The following GRID1 variants were observed in gnomAD, a reference collection of about 807,000 sequenced individuals.
The protein encoded by GRID1 is glutamate ionotropic receptor delta type subunit 1, also known as glutamate receptor ionotropic, delta-1.
A neutral mutation model predicts 98.0 loss-of-function variants in GRID1; 28 were observed. The observed-to-expected ratio is 0.29, with a 90% CI of 0.21 to 0.39. The LOEUF is 0.39. Among genes scored for constraint, GRID1 ranks in the 10% least tolerant of loss-of-function variants. GRID1 has a pLI of 1.00. For synonymous variants in GRID1, 553 were observed against 538.5 expected, an observed-to-expected ratio of 1.03 and a Z score of -0.37; for missense variants, 1,111 against 1,340.5, an observed-to-expected ratio of 0.83 and a Z score of 2.67.
intron 2 of GRID1, among the ~76,000 whole-genome samples, chr10:86,236,345 A>C (rs181780555): frequency 6.6e-6 from 1 of 152,162 alleles, no homozygotes; most frequent in African/African-American, 2.4e-5. Context: ...CAACCTCTCA[A>C]TGTCTTCACC....
intron 4 of GRID1, among the ~76,000 whole-genome samples, chr10:86,104,335 C>T (rs1055887866): frequency 5.3e-5 from 8 of 152,334 alleles, no homozygotes; most frequent in Admixed American, 3.9e-4. Context: ...TCAGCAGGTG[C>T]AGGGGTGGCC....
chr10:85,809,752 G>A lies in GRID1; in HGVS notation c.1233+44744C>T, dbSNP rs112406757. On this transcript the variant is annotated intron_variant, in intron 8 of 15. Transcript: ENST00000327946. ...GAGACTCAAGAGGGTAGCAGAGAGG[G>A]GAGCAAGGCACCCTCCCTCTGCTGA... Among the ~76,000 whole-genome samples, 687 of 152,254 alleles carry A rather than the reference G, an allele frequency of 4.5e-3. 2 individuals carry two copies. The highest frequency in any genetic ancestry group is 0.015 in the African/African-American group (638 of 41,560).
intron 2 of GRID1, among the ~76,000 whole-genome samples, chr10:86,325,421 C>A (rs568319356): frequency 6.6e-6 from 1 of 152,180 alleles, no homozygotes; most frequent in East Asian, 1.9e-4. Context: ...TACACTCAAC[C>A]TCCACTTATG....
chr10:85,848,081 T>C (rs1274637978), intron 8 of GRID1, among the ~76,000 whole-genome samples: 1 of 152,170 alleles, frequency 6.6e-6, no homozygotes, highest in Non-Finnish European at 1.5e-5. Flanking sequence ...ATTTAGTATA[T>C]CACTTTTTCA....
chr10:85,946,536 G>C (rs1232079819), intron 4 of GRID1, among the ~76,000 whole-genome samples: 1 of 152,108 alleles, frequency 6.6e-6, no homozygotes, highest in Non-Finnish European at 1.5e-5. Context: ...AATTTATTCG[G>C]GAAAATACTT....
At chr10:85,653,978 A>C (rs1308174971) in intron 12 of GRID1, among the ~76,000 whole-genome samples, 1 of 152,156 alleles carries the variant, frequency 6.6e-6, no homozygotes, top group Non-Finnish European at 1.5e-5. Context: ...AGACTAAGAA[A>C]ACAGTTCTCC....
At chr10:86,342,478 T>C (rs1848323233) in intron 2 of GRID1, among the ~76,000 whole-genome samples, 2 of 152,200 alleles carry the variant, frequency 1.3e-5, no homozygotes, top group South Asian at 4.1e-4. Flanking sequence ...TCAGAAGTCT[T>C]TTGGGCAACT....
At chr10:86,152,766 G>A (rs544244670) in intron 3 of GRID1, among the ~76,000 whole-genome samples, 6 of 152,312 alleles carry the variant, frequency 3.9e-5, no homozygotes, top group South Asian at 4.1e-4. Context: ...GACAGAGCCC[G>A]TGTGAGGGGC....
chr10:86,093,240 G>A (rs1288011818), intron 4 of GRID1, among the ~76,000 whole-genome samples: 3 of 152,142 alleles, frequency 2.0e-5, no homozygotes, highest in Non-Finnish European at 4.4e-5. Flanking sequence ...GCGGTGCTAA[G>A]AGGAAAGTTC....
chr10:86,010,231 A>G (rs1476718233), intron 4 of GRID1, among the ~76,000 whole-genome samples: 2 of 152,250 alleles, frequency 1.3e-5, no homozygotes, highest in African/African-American at 4.8e-5. Flanking sequence ...TACAATGGCT[A>G]TCATGATGTT....
At chr10:85,766,918 C>A (rs1842203577) in intron 8 of GRID1, among the ~76,000 whole-genome samples, 1 of 152,110 alleles carries the variant, frequency 6.6e-6, no homozygotes, top group Admixed American at 6.5e-5. Flanking sequence ...AAACTGCATA[C>A]ACTTCAAGTC....
intron 12 of GRID1, among the ~76,000 whole-genome samples, chr10:85,712,936 A>G (rs1490797302): frequency 6.6e-6 from 1 of 151,778 alleles, no homozygotes; most frequent in Non-Finnish European, 1.5e-5. Flanking sequence ...CTAAGAAGGA[A>G]GTTAATGTTG....
chr10:85,892,287 C>T (rs570072843), intron 5 of GRID1, among the ~76,000 whole-genome samples: 15 of 148,352 alleles, frequency 1.0e-4, no homozygotes, highest in African/African-American at 3.7e-4. Flanking sequence ...GCCTAATATA[C>T]AAGTCATTCA....
intron 2 of GRID1, among the ~76,000 whole-genome samples, chr10:86,338,596 C>A (rs1848264019): frequency 6.6e-6 from 1 of 152,092 alleles, no homozygotes; most frequent in Non-Finnish European, 1.5e-5. Flanking sequence ...CTCGCTCTAT[C>A]CCCCAGGCTG....
chr10:85,804,119 G>A (rs959228910), intron 8 of GRID1, among the ~76,000 whole-genome samples: 5 of 149,992 alleles, frequency 3.3e-5, no homozygotes, highest in African/African-American at 1.2e-4. Flanking sequence ...AATAAAAATT[G>A]ATAAAACCCT....
intron 4 of GRID1, among the ~76,000 whole-genome samples, chr10:85,917,588 C>T (rs201520027): frequency 1.3e-5 from 2 of 152,210 alleles, no homozygotes; most frequent in East Asian, 3.8e-4. Flanking sequence ...CTCATCAGTA[C>T]ACAGAGATCT....
intron 13 of GRID1, among the ~76,000 whole-genome samples, chr10:85,629,180 G>C (rs1290956902): frequency 6.6e-6 from 1 of 152,128 alleles, no homozygotes; most frequent in Non-Finnish European, 1.5e-5. Context: ...GAGTAATTTT[G>C]CATCTCAAAA....
At position 85,600,935 on chromosome 10, in the gene GRID1, G is replaced by A. The variant is rs1014821258; in HGVS notation, c.*1338C>T. On this transcript the variant is annotated 3_prime_UTR_variant, in exon 16 of 16. Transcript: ENST00000327946. ...CTGCTTGAAGAGGACTCCAGGTCTG[G>A]TCTGGAGAGGGTCGTAAAGGTGGAA... 6 of 152,426 alleles carry A rather than the reference G, an allele frequency of 3.9e-5. No individual in the cohort carries two copies. The highest frequency in any genetic ancestry group is 9.7e-5 in the African/African-American group (4 of 41,442). The allele number at this position is 152,426 out of a possible 1,614,324, so 9.4% of individuals were successfully genotyped here. A position where few individuals can be genotyped will look rare whatever the true frequency, so the allele number is the denominator to read the frequency against.
intron 4 of GRID1, among the ~76,000 whole-genome samples, chr10:86,062,231 G>T (rs534182759): frequency 3.3e-5 from 5 of 152,126 alleles, no homozygotes; most frequent in Non-Finnish European, 5.9e-5. Flanking sequence ...CATGTTGCCC[G>T]CAGGCAGAGA....
Sources: allele counts gnomAD v4.1 joint callset (sites outside exome capture counted in the v4.1 genomes callset), GRCh38; gene constraint gnomAD v4.1.1; transcripts MANE v1.5; gene names NCBI Gene and HGNC (gene_info 2026-07-23, HGNC 2026-07-21).